The following HMCN1 variants were observed in gnomAD, a reference collection of about 807,000 sequenced individuals.
HMCN1 encodes hemicentin 1.
HMCN1 carries 321 observed loss-of-function variants against 625.9 expected under a neutral mutation model. The ratio of observed to expected loss-of-function variants is 0.51; its 90% CI spans 0.47 to 0.56. HMCN1 has a LOEUF of 0.56. Among genes scored for constraint, HMCN1 ranks in the 20% least tolerant of loss-of-function variants. The pLI, the probability that HMCN1 is intolerant of heterozygous loss-of-function variation, is 0.00. For synonymous variants in HMCN1, 2,425 were observed against 2,417.6 expected, an observed-to-expected ratio of 1.00 and a Z score of -0.09; for missense variants, 6,588 against 6,887.3, an observed-to-expected ratio of 0.96 and a Z score of 1.54.
chr1:186,021,361 T>G (rs955078865), intron 35 of HMCN1, among the ~76,000 whole-genome samples: 7 of 152,200 alleles, frequency 4.6e-5, no homozygotes, highest in African/African-American at 9.6e-5. Flanking sequence ...TTAAGGTGAC[T>G]ATGAGATCAA....
At chr1:185,926,547 C>A (rs1396118101) in intron 9 of HMCN1, among the ~76,000 whole-genome samples, 1 of 152,160 alleles carries the variant, frequency 6.6e-6, no homozygotes, top group Non-Finnish European at 1.5e-5. Context: ...AACATTAATT[C>A]ATTAATTCCA....
chr1:186,152,084 T>G (rs1043810093), intron 95 of HMCN1, among the ~76,000 whole-genome samples: 3 of 152,202 alleles, frequency 2.0e-5, no homozygotes, highest in Admixed American at 6.5e-5. Context: ...CTTCTTTGTC[T>G]TTAAACCAAG....
intron 85 of HMCN1, 124 bp from the exon 86 acceptor site, chr1:186,132,204 T>C: frequency 4.0e-6 from 3 of 742,700 alleles, no homozygotes; most frequent in East Asian, 2.7e-5. Context: ...ATGTAGGTTT[T>C]CTTATTTCCA....
In HMCN1 at chr1:186,120,023, C is replaced by T; in HGVS notation, c.12107C>T (p.Ala4036Val). The stretch of plus-strand genomic sequence containing the variant: ...AACTATGTTGTAGGCAGAAACCATG[C>T]AGTTCTTCCTAGTGGCGGCTTACAG... ...INVNTSGRNH[A>V]VLPSGGLQIS... Residue 4036 changes from alanine (A) to valine (V), a missense_variant, in exon 80 of 107, where the codon GCA becomes GTA. Physicochemically the swap from Ala to Val is moderately conservative, Grantham distance 64. This residue lies in a region of HMCN1 where 1,954 missense variants were observed against 2,013.1 expected (regional missense o/e 0.97). Coordinates refer to ENST00000271588, the MANE Select transcript of HMCN1 (RefSeq NM_031935.3). The T allele has an allele frequency of 3.7e-6, 6 of 1,613,974 alleles. No individual in the cohort carries two copies. The highest frequency in any genetic ancestry group is 5.1e-6 in the Non-Finnish European group (6 of 1,179,950).
intron 4 of HMCN1, among the ~76,000 whole-genome samples, chr1:185,900,598 G>A (rs893238311): frequency 2.0e-5 from 3 of 151,850 alleles, no homozygotes; most frequent in African/African-American, 7.2e-5. Flanking sequence ...TATGCCTCAT[G>A]GAACATCTGA....
At chr1:185,956,844 G>T (rs1571616952) in intron 11 of HMCN1, among the ~76,000 whole-genome samples, 1 of 152,282 alleles carries the variant, frequency 6.6e-6, no homozygotes, top group East Asian at 1.9e-4. Flanking sequence ...GCATGCAAAA[G>T]AAACTTTTAT....
intron 4 of HMCN1, among the ~76,000 whole-genome samples, chr1:185,905,470 C>T (rs977005868): frequency 4.6e-5 from 7 of 151,778 alleles, no homozygotes; most frequent in African/African-American, 9.7e-5. Flanking sequence ...GTATTGAACA[C>T]CTCACCATAC....
At chr1:186,055,319 G>T in intron 44 of HMCN1, 74 bp from the exon 45 acceptor site, 1 of 1,350,192 alleles carries the variant, frequency 7.4e-7, no homozygotes, top group African/African-American at 1.4e-5. Context: ...AAGTTTGGCT[G>T]ATGAAAATTC....
At chr1:185,880,285 A>C (rs1444127749) in intron 4 of HMCN1, among the ~76,000 whole-genome samples, 2 of 152,226 alleles carry the variant, frequency 1.3e-5, no homozygotes, top group Non-Finnish European at 2.9e-5. Flanking sequence ...ATGGAAAAAA[A>C]GCATAGAACA....
At chr1:186,103,371 A>G (rs1207681057) in intron 68 of HMCN1, 101 bp from the exon 69 acceptor site, 11 of 924,366 alleles carry the variant, frequency 1.2e-5, no homozygotes, top group Non-Finnish European at 1.9e-5. Context: ...ATCAATTTTT[A>G]TCATGTGAAT....
rs563020603 is a variant in HMCN1, at chr1:185,929,084, T to C, written c.1552+417T>C. Among the ~76,000 whole-genome samples the C allele has an allele frequency of 3.9e-5, 6 of 152,256 alleles. No homozygotes were observed. In the East Asian group the frequency reaches 9.6e-4, roughly 24 times the overall value. On this transcript the variant is annotated intron_variant, in intron 10 of 106. Transcript: ENST00000271588. ...TAGTTTTTGAAATGATCATATAGCA[T>C]TTTCCCGTGAGAAAATAAAGTTTAA...
intron 1 of HMCN1, among the ~76,000 whole-genome samples, chr1:185,787,129 G>T (rs1657647846): frequency 6.7e-6 from 1 of 150,044 alleles, no homozygotes; most frequent in African/African-American, 2.5e-5. Context: ...ATTGTATGAA[G>T]CGCCATGATG....
At chr1:185,837,584 C>G (rs1226519934) in intron 1 of HMCN1, among the ~76,000 whole-genome samples, 1 of 151,662 alleles carries the variant, frequency 6.6e-6, no homozygotes, top group Non-Finnish European at 1.5e-5. Context: ...CCTTTGTGAT[C>G]TCTTATATTG....
chr1:185,736,655 T>C (rs559254378), intron 1 of HMCN1, among the ~76,000 whole-genome samples: 17 of 152,384 alleles, frequency 1.1e-4, no homozygotes, highest in Middle Eastern at 3.4e-3. Context: ...ACTATCCTGA[T>C]ATTTTGAAGT....
At chr1:186,167,449 G>T (rs1424863131) in intron 100 of HMCN1, among the ~76,000 whole-genome samples, 1 of 151,994 alleles carries the variant, frequency 6.6e-6, no homozygotes, top group African/African-American at 2.4e-5. Context: ...CTCACACCAG[G>T]GCGGTACGTT....
intron 86 of HMCN1, 60 bp downstream of exon 86, chr1:186,132,469 G>A: frequency 7.7e-7 from 1 of 1,298,848 alleles, no homozygotes; most frequent in Non-Finnish European, 1.1e-6. Context: ...CTAATAAAGA[G>A]TATTTATTTT....
intron 72 of HMCN1, 80 bp from the exon 73 acceptor site, chr1:186,113,899 T>A: frequency 1.4e-6 from 2 of 1,478,888 alleles, no homozygotes; most frequent in Non-Finnish European, 1.9e-6. Context: ...GAAGCTCATC[T>A]TATATTACAT....
intron 1 of HMCN1, among the ~76,000 whole-genome samples, chr1:185,738,678 G>A (rs796913590): frequency 6.6e-6 from 1 of 152,102 alleles, no homozygotes; most frequent in African/African-American, 2.4e-5. Flanking sequence ...TCCCACCAGC[G>A]CTGTGTGAGG....
chr1:186,016,981 G>A lies in HMCN1; in HGVS notation c.5210G>A (p.Gly1737Glu). The A allele has an allele frequency of 6.2e-7, 1 of 1,600,358 alleles. No homozygotes were observed. The highest frequency in any genetic ancestry group is 2.2e-5 in the East Asian group (1 of 44,716). ...VDVLVPPAIE[G>E]GDETSYFIVM... is the part of the protein sequence containing the mutation. ...TTTCTAGTGCCACCAGCTATAGAAG[G>A]AGGAGATGAAACATCTTACTTCATT... Residue 1737 changes from glycine to glutamate, a missense_variant, in exon 33 of 107, where the codon GGA becomes GAA. Physicochemically the swap from Gly to Glu is moderately conservative, Grantham distance 98. Transcript: ENST00000271588.
Sources: allele counts gnomAD v4.1 joint callset (sites outside exome capture counted in the v4.1 genomes callset), GRCh38; gene constraint gnomAD v4.1.1; regional missense constraint gnomAD v4.1.1; transcripts MANE v1.5; gene names NCBI Gene and HGNC (gene_info 2026-07-23, HGNC 2026-07-21).